The following SOX5 variants were observed in gnomAD, a reference collection of about 807,000 sequenced individuals.
The protein encoded by SOX5 is transcription factor SOX-5.
SOX5 carries 9 observed loss-of-function variants against 92.0 expected under a neutral mutation model. The ratio of observed to expected loss-of-function variants is 0.10; its 90% CI spans 0.06 to 0.17. SOX5 has a LOEUF of 0.17. Ranked by LOEUF, SOX5 falls within the 10% of genes least tolerant of loss-of-function variation. The probability of loss-of-function intolerance (pLI) is 1.00; values close to 1 mark genes in which losing one functional copy is unlikely to be tolerated. For synonymous variants in SOX5, 344 were observed against 336.3 expected, an observed-to-expected ratio of 1.02 and a Z score of -0.25; for missense variants, 642 against 944.5, an observed-to-expected ratio of 0.68 and a Z score of 4.20.
intron 6 of SOX5, among the ~76,000 whole-genome samples, chr12:23,731,391 T>C (rs1048908685): frequency 1.3e-5 from 2 of 152,328 alleles, no homozygotes; most frequent in African/African-American, 4.8e-5. Flanking sequence ...TTTATATCTA[T>C]CTATATCATC....
intron 2 of SOX5, among the ~76,000 whole-genome samples, chr12:24,363,973 T>C (rs1435384764): frequency 1.3e-5 from 2 of 152,226 alleles, no homozygotes; most frequent in African/African-American, 2.4e-5. Context: ...TCAGGCCCTA[T>C]TGGATCAGTT....
intron 3 of SOX5, among the ~76,000 whole-genome samples, chr12:23,810,049 G>A (rs752587688): frequency 3.9e-5 from 6 of 151,980 alleles, no homozygotes; most frequent in South Asian, 2.1e-4. Context: ...GAGTATTTTC[G>A]TGAAAGAGAA....
At chr12:24,242,190 A>T (rs964853067) in intron 3 of SOX5, among the ~76,000 whole-genome samples, 1 of 152,202 alleles carries the variant, frequency 6.6e-6, no homozygotes, top group Admixed American at 6.5e-5. Context: ...TGAAAACCTT[A>T]AACTGAACTA....
At chr12:23,582,588 A>G (rs1375575054) in intron 9 of SOX5, among the ~76,000 whole-genome samples, 1 of 152,110 alleles carries the variant, frequency 6.6e-6, no homozygotes, top group African/African-American at 2.4e-5. Flanking sequence ...TTAGACTTAC[A>G]AATTGCAAAA....
At chr12:24,481,458 G>T (rs1480341292) in intron 1 of SOX5, among the ~76,000 whole-genome samples, 1 of 152,142 alleles carries the variant, frequency 6.6e-6, no homozygotes, top group Non-Finnish European at 1.5e-5. Flanking sequence ...AAGTGCTTGA[G>T]GGGATGAATA....
At chr12:23,682,151 A>T (rs1382924876) in intron 6 of SOX5, among the ~76,000 whole-genome samples, 1 of 151,850 alleles carries the variant, frequency 6.6e-6, no homozygotes, top group African/African-American at 2.4e-5. Context: ...AAACCCACAG[A>T]ACATTTATAA....
At chr12:24,239,574 C>A (rs914132010) in intron 3 of SOX5, among the ~76,000 whole-genome samples, 21 of 152,264 alleles carry the variant, frequency 1.4e-4, no homozygotes, top group African/African-American at 5.1e-4. Context: ...CCAGGTAATA[C>A]TGTCTGGATT....
chr12:24,345,330 C>A (rs1437224483), intron 2 of SOX5, among the ~76,000 whole-genome samples: 2 of 152,196 alleles, frequency 1.3e-5, no homozygotes, highest in Non-Finnish European at 2.9e-5. Flanking sequence ...GGTGACCAAA[C>A]CTTCAAGCCT....
chr12:24,559,501 A>T (rs1313888255), intron 1 of SOX5, among the ~76,000 whole-genome samples: 1 of 152,172 alleles, frequency 6.6e-6, no homozygotes, highest in Non-Finnish European at 1.5e-5. Flanking sequence ...CAAATCAATG[A>T]TTACTTATCA....
intron 1 of SOX5, among the ~76,000 whole-genome samples, chr12:24,499,622 G>T (rs2138104969): frequency 6.6e-6 from 1 of 152,268 alleles, no homozygotes; most frequent in South Asian, 2.1e-4. Context: ...CCACCAGAAT[G>T]TTTATTAGCA....
chr12:24,026,195 G>T (rs1383591071), intron 4 of SOX5, among the ~76,000 whole-genome samples: 1 of 152,008 alleles, frequency 6.6e-6, no homozygotes, highest in Non-Finnish European at 1.5e-5. Flanking sequence ...TGATTTTGAC[G>T]GGGTAACCAC....
At chr12:24,248,245 T>C (rs1939289490) in intron 3 of SOX5, among the ~76,000 whole-genome samples, 1 of 152,158 alleles carries the variant, frequency 6.6e-6, no homozygotes. Flanking sequence ...TGTAGTAATT[T>C]GCCTTTGGAG....
At position 23,624,297 on chromosome 12, in the gene SOX5, T is replaced by C. The variant is rs551381908; in HGVS notation, c.1017+16515A>G. Reference sequence around the variant, plus strand: ...TGTACAACAGTGTAAATGTATGTAATGCCACTGAACTGTGTACATAAAAAT... The same window carrying C: ...TGTACAACAGTGTAAATGTATGTAACGCCACTGAACTGTGTACATAAAAAT... On this transcript the variant is annotated intron_variant, in intron 8 of 14. Transcript: ENST00000451604. 2.0e-5 allele frequency among the ~76,000 whole-genome samples: 3 copies of C among 152,254 alleles called. No individual in the cohort carries two copies. In the South Asian group the frequency reaches 6.2e-4, roughly 32 times the overall value.
At chr12:24,426,014 G>A (rs1241802644) in intron 1 of SOX5, among the ~76,000 whole-genome samples, 5 of 151,982 alleles carry the variant, frequency 3.3e-5, no homozygotes, top group Admixed American at 6.6e-5. Flanking sequence ...ATGGTCAACC[G>A]AAAAAAACAA....
At position 24,392,640 on chromosome 12, in the gene SOX5, G is replaced by A. The variant is rs118140355; in HGVS notation, c.-250-24001C>T. On this transcript the variant is annotated intron_variant, in intron 1 of 4. Transcript: ENST00000446891. ...TTTTATTTCTTTCATCTGATTAATC[G>A]CTATCTTCACCTATTATATATTTAT... Among the ~76,000 whole-genome samples, 101 of 151,912 alleles carry A rather than the reference G, an allele frequency of 6.6e-4. No individual in the cohort carries two copies. The South Asian group carries it at 0.016, about 24-fold the overall frequency.
chr12:24,316,587 C>T (rs924306545), intron 2 of SOX5, among the ~76,000 whole-genome samples: 2 of 152,098 alleles, frequency 1.3e-5, no homozygotes, highest in Non-Finnish European at 2.9e-5. Flanking sequence ...GAAGAAAATC[C>T]GCAGAACTAC....
intron 2 of SOX5, among the ~76,000 whole-genome samples, chr12:24,282,722 C>T (rs1945362133): frequency 6.6e-6 from 1 of 152,144 alleles, no homozygotes. Flanking sequence ...GTACTATTAG[C>T]GCCGCTCCCA....
At chr12:24,077,733 A>T (rs997353337) in intron 4 of SOX5, among the ~76,000 whole-genome samples, 1 of 147,094 alleles carries the variant, frequency 6.8e-6, no homozygotes, top group African/African-American at 2.5e-5. Flanking sequence ...AGAAATTACT[A>T]ATTTATACAA....
intron 1 of SOX5, among the ~76,000 whole-genome samples, chr12:24,370,543 G>A (rs911501835): frequency 4.0e-5 from 6 of 150,348 alleles, no homozygotes; most frequent in Admixed American, 2.0e-4. Flanking sequence ...TGTAATCCCG[G>A]CACTTTGGGA....
Sources: gnomAD v4.1 joint callset for allele counts (sites outside exome capture counted in the v4.1 genomes callset) on GRCh38, gnomAD v4.1.1 for gene constraint, MANE v1.5 for transcripts, NCBI Gene and HGNC (gene_info 2026-07-23, HGNC 2026-07-21) for gene names.